Variants in PARD3B observed in about 807,000 individuals in gnomAD.
PARD3B encodes the protein partitioning defective 3 homolog B.
A neutral mutation model predicts 130.2 loss-of-function variants in PARD3B; 103 were observed. That is an observed-to-expected ratio of 0.79 (90% CI 0.67 to 0.93). The LOEUF (loss-of-function observed/expected upper bound fraction) is 0.93, where lower values mean the gene tolerates loss of function less well. Ranked by LOEUF, PARD3B falls within the 40% of genes least tolerant of loss-of-function variation. PARD3B has a pLI of 0.00. For missense variants in PARD3B, 1,609 were observed against 1,499.2 expected, an observed-to-expected ratio of 1.07 and a Z score of -1.21; for synonymous variants, 583 against 553.2, an observed-to-expected ratio of 1.05 and a Z score of -0.76.
chr2:204,636,749 C>A (rs1332663802), intron 1 of PARD3B, among the ~76,000 whole-genome samples: 1 of 152,048 alleles, frequency 6.6e-6, no homozygotes, highest in Non-Finnish European at 1.5e-5. Context: ...AGGCTTCTTT[C>A]TAACTTTTCT....
chr2:205,126,649 GGCA>G (rs925484344), intron 10 of PARD3B, among the ~76,000 whole-genome samples: 5 of 150,404 alleles, frequency 3.3e-5, no homozygotes, highest in African/African-American at 1.2e-4. Context: ...GGGAGGCTGA[GGCA>G]GGAGAATGGC....
intron 16 of PARD3B, among the ~76,000 whole-genome samples, chr2:205,251,467 CAG>C (rs2039846484): frequency 6.6e-6 from 1 of 152,086 alleles, no homozygotes; most frequent in Non-Finnish European, 1.5e-5. Context: ...ACCTCAAATC[CAG>C]AGTGTTCAAA....
intron 18 of PARD3B, among the ~76,000 whole-genome samples, chr2:205,386,569 A>T (rs2045666824): frequency 6.6e-6 from 1 of 152,176 alleles, no homozygotes. Context: ...AGTAGTCAAT[A>T]AATTGGACTT....
At chr2:205,065,986 C>G (rs912582375) in intron 4 of PARD3B, among the ~76,000 whole-genome samples, 2 of 152,116 alleles carry the variant, frequency 1.3e-5, no homozygotes, top group African/African-American at 4.8e-5. Context: ...GTAGACAAAA[C>G]AACCACAAAA....
At position 205,300,394 on chromosome 2, in the gene PARD3B, C is replaced by A; in HGVS notation, c.2186-136C>A. ...TTCAAGGTTACAAAAGGTGGCAAAGCTGGAGTATAACCCCAACTCCCACCC... is the reference window on the plus strand; with the variant it reads ...TTCAAGGTTACAAAAGGTGGCAAAGATGGAGTATAACCCCAACTCCCACCC... On this transcript the variant is annotated intron_variant, in intron 16 of 22. Coordinates refer to ENST00000406610, the MANE Select transcript of PARD3B (RefSeq NM_001302769.2). The surrounding 1 kb of genome is among the most constrained non-coding windows in gnomAD (Gnocchi z 4.1). 1.3e-6 allele frequency: 1 copy of A among 744,536 alleles called. No individual in the cohort carries two copies. The highest frequency in any genetic ancestry group is 2.3e-6 in the Non-Finnish European group (1 of 441,512). The allele number at this position is 744,536 out of a possible 1,614,324, so 46.1% of individuals were successfully genotyped here.
rs1702103309 is a variant in PARD3B at position 205,091,437 on chromosome 2, GA to G, written c.505-12988del. 1.3e-5 allele frequency among the ~76,000 whole-genome samples: 2 copies of G among 152,276 alleles called. No homozygotes were observed. The highest frequency in any genetic ancestry group is 1.3e-4 in the Admixed American group (2 of 15,292). ...TTTTCTGCACCTTCTCGGGGAAATA[GA>G]TGAGGAGGGTGGCCATTAGAATATC... On this transcript the variant is annotated intron_variant, in intron 4 of 22. Transcript: ENST00000406610. This position sits in a 1 kb window ranked among gnomAD's most constrained non-coding sequence, Gnocchi z 4.2.
At chr2:205,119,562 A>G (rs2030396859) in intron 7 of PARD3B, among the ~76,000 whole-genome samples, 1 of 152,020 alleles carries the variant, frequency 6.6e-6, no homozygotes, top group Non-Finnish European at 1.5e-5. Flanking sequence ...AGGGCAGATC[A>G]TGAGGTCAGG....
intron 2 of PARD3B, among the ~76,000 whole-genome samples, chr2:204,930,611 C>G (rs958584071): frequency 1.3e-5 from 2 of 152,004 alleles, no homozygotes; most frequent in African/African-American, 2.4e-5. Flanking sequence ...CTTACTGGCT[C>G]TGTGTCTGGT....
chr2:204,653,667 T>A (rs1337805124), intron 1 of PARD3B, among the ~76,000 whole-genome samples: 1 of 150,044 alleles, frequency 6.7e-6, no homozygotes. Flanking sequence ...AGCGGGCGCC[T>A]GTAGTCCCAG....
intron 4 of PARD3B, among the ~76,000 whole-genome samples, chr2:205,063,765 T>C (rs1335913088): frequency 6.6e-6 from 1 of 152,138 alleles, no homozygotes; most frequent in African/African-American, 2.4e-5. Context: ...ATTTAGGAAA[T>C]AAAATGTACA....
At chr2:205,343,004 C>T (rs893163424) in intron 18 of PARD3B, among the ~76,000 whole-genome samples, 1 of 152,130 alleles carries the variant, frequency 6.6e-6, no homozygotes, top group African/African-American at 2.4e-5. Flanking sequence ...ATCTCTTTTC[C>T]TTTATCTGGC....
chr2:204,713,150 A>G (rs1283442871), intron 2 of PARD3B, among the ~76,000 whole-genome samples: 1 of 152,072 alleles, frequency 6.6e-6, no homozygotes, highest in Non-Finnish European at 1.5e-5. Flanking sequence ...TTATTCTTCA[A>G]CACGCATGTT....
At position 205,600,586 on chromosome 2, in the gene PARD3B, G is replaced by A. The variant is rs535891265; in HGVS notation, c.3261-14870G>A. Among the ~76,000 whole-genome samples the A allele has an allele frequency of 5.3e-5, 8 of 152,296 alleles. No individual in the cohort carries two copies. In the South Asian group the frequency reaches 1.7e-3, roughly 32 times the overall value. On this transcript the variant is annotated intron_variant, in intron 22 of 22. Transcript: ENST00000406610. ...TAAACGTGTGCTATGGTGGGTTGCT[G>A]TGCCTATCAACCCATCACCTCGGTA... is the stretch of plus-strand genomic sequence containing the variant.
rs554664210 is a variant in PARD3B, at chr2:205,593,245, GAAC to G, written c.3261-22205_3261-22203del. On this transcript the variant is annotated intron_variant, in intron 22 of 22. Coordinates refer to ENST00000406610, the MANE Select transcript of PARD3B (RefSeq NM_001302769.2). ...TCTTTCTACCAGAAAAAATACTAGA[GAAC>G]AACAAGTAAATTTAAATTTAGTTAT... is the stretch of plus-strand genomic sequence containing the variant. Among the ~76,000 whole-genome samples, 133 of 152,292 alleles carry G rather than the reference GAAC, an allele frequency of 8.7e-4. 2 individuals are homozygous for G. The South Asian group carries it at 0.017, about 19-fold the overall frequency.
intron 15 of PARD3B, among the ~76,000 whole-genome samples, chr2:205,245,244 T>C (rs769209606): frequency 2.0e-5 from 3 of 152,248 alleles, no homozygotes; most frequent in Non-Finnish European, 4.4e-5. Flanking sequence ...TTGGGATCAC[T>C]GCATTTTGTT....
At chr2:204,935,658 A>G (rs910536419) in intron 2 of PARD3B, among the ~76,000 whole-genome samples, 1 of 152,054 alleles carries the variant, frequency 6.6e-6, no homozygotes. Context: ...TTTAAAAAGT[A>G]TTTTGTCAAG....
Position 205,358,451 on chromosome 2 carries a change from T to G in PARD3B, c.2631-42562T>G, listed in dbSNP as rs902563034. ...GCTTCTTAATCTGTTGTTTTGTGGC[T>G]TAGTGTGAAGATCATTCTCATTGAT... On this transcript the variant is annotated intron_variant, in intron 18 of 22. Coordinates refer to ENST00000406610, the MANE Select transcript of PARD3B (RefSeq NM_001302769.2). 3.3e-5 allele frequency among the ~76,000 whole-genome samples: 5 copies of G among 152,218 alleles called. No individual in the cohort carries two copies. The South Asian group carries it at 1.0e-3, about 31-fold the overall frequency.
chr2:205,615,431 C>T (rs1559274166), intron 22 of PARD3B, 25 bp from the exon 23 acceptor site: 1 of 1,552,766 alleles, frequency 6.4e-7, no homozygotes, highest in Admixed American at 1.9e-5. Context: ...GAGCTGCTAA[C>T]ATGTGTCTCT....
At chr2:204,745,810 A>G (rs1428128501) in intron 2 of PARD3B, among the ~76,000 whole-genome samples, 3 of 152,152 alleles carry the variant, frequency 2.0e-5, no homozygotes, top group African/African-American at 4.8e-5. Context: ...ATATTCAGGT[A>G]TGTCTGTCTC....
Sources: gnomAD v4.1 joint callset for allele counts (sites outside exome capture counted in the v4.1 genomes callset) on GRCh38, gnomAD v4.1.1 for gene constraint, Gnocchi (gnomAD v3.1) non-coding constraint, MANE v1.5 for transcripts, NCBI Gene and HGNC (gene_info 2026-07-23, HGNC 2026-07-21) for gene names.